The following NRF1 variants were observed in gnomAD, a reference collection of about 807,000 sequenced individuals.
NRF1 encodes alpha palindromic-binding protein.
NRF1 carries 5 observed loss-of-function variants against 58.5 expected under a neutral mutation model. The ratio of observed to expected loss-of-function variants is 0.09; its 90% CI spans 0.04 to 0.18. The LOEUF (loss-of-function observed/expected upper bound fraction) is 0.18, where lower values mean the gene tolerates loss of function less well. Ranked by LOEUF, NRF1 falls within the 10% of genes least tolerant of loss-of-function variation. The pLI is 1.00. For missense variants in NRF1, 288 were observed against 657.7 expected (o/e 0.44, Z 6.15); for synonymous variants, 224 against 246.7 (o/e 0.91, Z 0.86).
At chr7:129,715,520 A>G (rs1490689466) in intron 8 of NRF1, among the ~76,000 whole-genome samples, 2 of 152,246 alleles carry the variant, frequency 1.3e-5, no homozygotes, top group Non-Finnish European at 2.9e-5. Flanking sequence ...TTAGTTTCTG[A>G]GTTTAGCAGT....
rs376710988 is a variant in NRF1, at chr7:129,690,462, C to T, written c.522C>T (p.His174=). 4.5e-4 allele frequency: 721 copies of T among 1,614,028 alleles called. No individual in the cohort carries two copies. Among genetic ancestry groups the T allele is most frequent in the Non-Finnish European group, 5.6e-4 (658 of 1,180,018 alleles). ...LEDLESALAE[H]APAPQEVNSE... is the part of the protein sequence containing the mutation. ...ACCTGGAGTCTGCTCTGGCAGAACA[C>T]GCCCCTGCGCCACAGGAGGTTAACT... The change falls in exon 5 of 11, where the codon CAC becomes CAT. Residue 174 remains histidine (H), a synonymous_variant. Transcript: ENST00000393232.
intron 9 of NRF1, among the ~76,000 whole-genome samples, chr7:129,720,981 T>A (rs900355412): frequency 5.3e-5 from 8 of 151,996 alleles, no homozygotes; most frequent in Non-Finnish European, 1.2e-4. Flanking sequence ...TTTGTGTGTG[T>A]ATGTGTGTGT....
At chr7:129,660,819 C>T (rs780116365) in intron 2 of NRF1, among the ~76,000 whole-genome samples, 2 of 150,834 alleles carry the variant, frequency 1.3e-5, no homozygotes, top group Non-Finnish European at 2.9e-5. Flanking sequence ...GGACAGTGGC[C>T]CTCTTCTCAC....
intron 4 of NRF1, among the ~76,000 whole-genome samples, chr7:129,687,699 G>A (rs1435000785): frequency 2.0e-5 from 3 of 152,222 alleles, no homozygotes; most frequent in Non-Finnish European, 4.4e-5. Flanking sequence ...TAGCAAACAT[G>A]TTCACATGGC....
At chr7:129,685,586 T>C (rs1016943073) in intron 4 of NRF1, among the ~76,000 whole-genome samples, 10 of 108,276 alleles carry the variant, frequency 9.2e-5, no homozygotes, top group African/African-American at 2.4e-4. Flanking sequence ...TGTGTGTGTG[T>C]GTGTGTGTGT....
chr7:129,691,820 A>T (rs1255560348), intron 5 of NRF1, among the ~76,000 whole-genome samples: 1 of 152,074 alleles, frequency 6.6e-6, no homozygotes, highest in African/African-American at 2.4e-5. Context: ...CTCATCCTTC[A>T]CTAGGTGCTC....
intron 3 of NRF1, among the ~76,000 whole-genome samples, chr7:129,675,901 A>T (rs1221754963): frequency 6.6e-6 from 1 of 152,218 alleles, no homozygotes; most frequent in East Asian, 1.9e-4. Context: ...CTCTCTAGCT[A>T]GGAAAGTCCT....
At chr7:129,687,663 G>A (rs1802473477) in intron 4 of NRF1, among the ~76,000 whole-genome samples, 1 of 152,192 alleles carries the variant, frequency 6.6e-6, no homozygotes, top group Non-Finnish European at 1.5e-5. Flanking sequence ...GGTGCTAAAT[G>A]ATTTGTTGAG....
chr7:129,657,389 C>T lies in NRF1; in HGVS notation c.38C>T (p.Ala13Val). ...GGAGTGACCCAAACCGAACATATGGCTACCATAGAAGCACATGCAGTGGCC... is the reference window on the plus strand; with the variant it reads ...GGAGTGACCCAAACCGAACATATGGTTACCATAGAAGCACATGCAGTGGCC... ...EHGVTQTEHM[A>V]TIEAHAVAQQ... is the part of the protein sequence containing the mutation. Residue 13 changes from alanine to valine, a missense_variant, in exon 2 of 11, where the codon GCT (alanine) becomes GTT (valine). Coordinates refer to ENST00000393232, the MANE Select transcript of NRF1 (RefSeq NM_005011.5). 1 of 1,614,182 alleles carries T rather than the reference C, an allele frequency of 6.2e-7. No homozygotes were observed. The highest frequency in any genetic ancestry group is 8.5e-7 in the Non-Finnish European group (1 of 1,180,038).
intron 5 of NRF1, 35 bp downstream of exon 5, chr7:129,690,581 CA>C (rs768360011): frequency 1.2e-5 from 19 of 1,612,048 alleles, no homozygotes; most frequent in Non-Finnish European, 1.6e-5. Flanking sequence ...GACTCAAAGA[CA>C]AGTGGCACAG....
chr7:129,613,163 C>T (rs1410244953), intron 1 of NRF1, among the ~76,000 whole-genome samples: 1 of 152,154 alleles, frequency 6.6e-6, no homozygotes, highest in African/African-American at 2.4e-5. Flanking sequence ...TGTCCCGGGA[C>T]ATCATCTGTG....
intron 1 of NRF1, among the ~76,000 whole-genome samples, chr7:129,625,514 T>A (rs1270676138): frequency 6.6e-6 from 1 of 151,774 alleles, no homozygotes; most frequent in East Asian, 1.9e-4. Flanking sequence ...AATTTATTAG[T>A]TTTTTAGAAA....
intron 4 of NRF1, among the ~76,000 whole-genome samples, chr7:129,686,661 C>T (rs994165800): frequency 4.6e-5 from 7 of 152,214 alleles, no homozygotes; most frequent in African/African-American, 9.6e-5. Flanking sequence ...GCTCAATAAA[C>T]GGTGTTTGAT....
chr7:129,649,988 A>C (rs956352501), intron 1 of NRF1, among the ~76,000 whole-genome samples: 6 of 152,052 alleles, frequency 3.9e-5, no homozygotes, highest in African/African-American at 1.2e-4. Flanking sequence ...CCTGGACATA[A>C]GCAATCCTCC....
intron 9 of NRF1, among the ~76,000 whole-genome samples, chr7:129,722,908 C>G (rs1803361803): frequency 6.6e-6 from 1 of 152,140 alleles, no homozygotes; most frequent in African/African-American, 2.4e-5. Context: ...AGGAAATAAG[C>G]AGTCACTGAG....
chr7:129,631,825 GT>G (rs1248838651), intron 1 of NRF1, among the ~76,000 whole-genome samples: 1 of 152,204 alleles, frequency 6.6e-6, no homozygotes, highest in African/African-American at 2.4e-5. Context: ...ATATATTTAA[GT>G]TTACTGGACA....
intron 2 of NRF1, among the ~76,000 whole-genome samples, chr7:129,658,457 G>A (rs549579259): frequency 4.6e-5 from 7 of 152,082 alleles, no homozygotes; most frequent in East Asian, 1.9e-4. Context: ...GTGTGGTGAC[G>A]TGCTCCCTAG....
chr7:129,637,433 T>G (rs1460137413), intron 1 of NRF1, among the ~76,000 whole-genome samples: 1 of 152,182 alleles, frequency 6.6e-6, no homozygotes, highest in Non-Finnish European at 1.5e-5. Context: ...TGTTTGTCTT[T>G]TCTTTCTCAA....
chr7:129,626,721 A>G (rs1800928052), intron 1 of NRF1, among the ~76,000 whole-genome samples: 1 of 152,224 alleles, frequency 6.6e-6, no homozygotes, highest in African/African-American at 2.4e-5. Flanking sequence ...TAGCAACTAC[A>G]CCAATTATGT....
Sources: gnomAD v4.1 joint callset for allele counts (sites outside exome capture counted in the v4.1 genomes callset) on GRCh38, gnomAD v4.1.1 for gene constraint, MANE v1.5 for transcripts, NCBI Gene and HGNC (gene_info 2026-07-23, HGNC 2026-07-21) for gene names.